The following CNTNAP5 variants were observed in gnomAD, a reference collection of about 807,000 sequenced individuals.
CNTNAP5 encodes the protein contactin associated protein family member 5, also known as contactin-associated protein-like 5.
In CNTNAP5, 72 loss-of-function variants were observed where a neutral mutation model predicts 150.2. The ratio of observed to expected loss-of-function variants is 0.48; its 90% CI spans 0.40 to 0.58. The LOEUF is 0.58. Among genes scored for constraint, CNTNAP5 ranks in the 20% least tolerant of loss-of-function variants. The pLI is 0.00. For synonymous variants in CNTNAP5, 672 were observed against 619.8 expected (o/e 1.08, Z -1.25); for missense variants, 1,636 against 1,626.2 (o/e 1.01, Z -0.10).
At chr2:124,237,194 T>C (rs1256102044) in intron 2 of CNTNAP5, among the ~76,000 whole-genome samples, 1 of 152,194 alleles carries the variant, frequency 6.6e-6, no homozygotes, top group Non-Finnish European at 1.5e-5. Context: ...TGTGTGTGTA[T>C]GACGCTTTCA....
At chr2:124,799,671 G>A (rs1558780821) in intron 19 of CNTNAP5, among the ~76,000 whole-genome samples, 2 of 152,114 alleles carry the variant, frequency 1.3e-5, no homozygotes, top group Non-Finnish European at 2.9e-5. Flanking sequence ...TTTTTCTTTG[G>A]TTTATTCCTC....
At chr2:124,369,438 G>A (rs1056078378) in intron 3 of CNTNAP5, among the ~76,000 whole-genome samples, 1 of 151,900 alleles carries the variant, frequency 6.6e-6, no homozygotes, top group Non-Finnish European at 1.5e-5. Context: ...AGTCAAAGTT[G>A]GTTTTGATGG....
chr2:124,822,723 T>C (rs1682516593), intron 19 of CNTNAP5, among the ~76,000 whole-genome samples: 1 of 152,226 alleles, frequency 6.6e-6, no homozygotes, highest in African/African-American at 2.4e-5. Context: ...ATGCAGATGT[T>C]ATGTTTACTC....
intron 1 of CNTNAP5, among the ~76,000 whole-genome samples, chr2:124,093,267 A>G (rs1355441410): frequency 1.3e-5 from 2 of 152,190 alleles, no homozygotes; most frequent in Non-Finnish European, 2.9e-5. Context: ...CTTATCCTCC[A>G]TGTCCTTATC....
intron 1 of CNTNAP5, among the ~76,000 whole-genome samples, chr2:124,161,041 T>G (rs932125858): frequency 2.0e-5 from 3 of 152,116 alleles, no homozygotes; most frequent in African/African-American, 7.2e-5. Flanking sequence ...AGAGGAAATA[T>G]CAACGAGAAA....
intron 2 of CNTNAP5, among the ~76,000 whole-genome samples, chr2:124,225,936 T>C (rs1470943486): frequency 6.6e-6 from 1 of 152,194 alleles, no homozygotes; most frequent in Non-Finnish European, 1.5e-5. Flanking sequence ...TCTATGATGT[T>C]GCAAGTGGCA....
In CNTNAP5 at chr2:124,067,388, C is replaced by T. The variant is rs565258038; in HGVS notation, c.82+41656C>T. On this transcript the variant is annotated intron_variant, in intron 1 of 23. Transcript: ENST00000682447. ...CCCTTCTGGCTCTGGAAGCTGCCAG[C>T]ATTCCTTGATCTGTGGCTGCATCAC... Among the ~76,000 whole-genome samples the T allele has an allele frequency of 3.9e-5, 6 of 152,270 alleles. 1 individual carries two copies. In the South Asian group the frequency reaches 1.0e-3, roughly 26 times the overall value.
intron 11 of CNTNAP5, among the ~76,000 whole-genome samples, chr2:124,605,293 G>T (rs1220987948): frequency 2.0e-5 from 3 of 152,142 alleles, no homozygotes; most frequent in Non-Finnish European, 4.4e-5. Flanking sequence ...ATGTGTGTTT[G>T]TTTTTATACA....
intron 13 of CNTNAP5, among the ~76,000 whole-genome samples, chr2:124,652,357 C>T (rs1322721193): frequency 1.3e-5 from 2 of 152,142 alleles, no homozygotes; most frequent in Non-Finnish European, 2.9e-5. Flanking sequence ...TCACCACAGC[C>T]TGCCAGTACT....
intron 13 of CNTNAP5, among the ~76,000 whole-genome samples, chr2:124,726,852 T>C (rs1051654218): frequency 2.0e-5 from 3 of 152,002 alleles, no homozygotes; most frequent in Non-Finnish European, 4.4e-5. Context: ...ACAGTCCCTC[T>C]GGTTTATTTT....
At chr2:124,850,995 A>G (rs1275834939) in intron 19 of CNTNAP5, among the ~76,000 whole-genome samples, 1 of 152,224 alleles carries the variant, frequency 6.6e-6, no homozygotes, top group Non-Finnish European at 1.5e-5. Flanking sequence ...GAGGCATTAG[A>G]GAAAGTATAG....
intron 1 of CNTNAP5, among the ~76,000 whole-genome samples, chr2:124,126,337 A>G (rs1176198087): frequency 6.6e-6 from 1 of 152,076 alleles, no homozygotes; most frequent in Non-Finnish European, 1.5e-5. Flanking sequence ...CGACACATAC[A>G]CCCTCCCAAG....
chr2:124,115,731 C>T (rs1475827290), intron 1 of CNTNAP5, among the ~76,000 whole-genome samples: 1 of 149,642 alleles, frequency 6.7e-6, no homozygotes, highest in Non-Finnish European at 1.5e-5. Context: ...TTGCTTCAGC[C>T]TTGATGCCTC....
intron 3 of CNTNAP5, among the ~76,000 whole-genome samples, chr2:124,406,315 A>G (rs1691569158): frequency 6.6e-6 from 1 of 152,196 alleles, no homozygotes; most frequent in Non-Finnish European, 1.5e-5. Context: ...ACATGAATGT[A>G]AATTAGGTCA....
At chr2:124,621,539 T>C (rs563118551) in intron 12 of CNTNAP5, among the ~76,000 whole-genome samples, 1 of 152,308 alleles carries the variant, frequency 6.6e-6, no homozygotes, top group African/African-American at 2.4e-5. Context: ...ATGGAGTAGG[T>C]AGAAAGCTGC....
chr2:124,118,200 G>T (rs1317436231), intron 1 of CNTNAP5, among the ~76,000 whole-genome samples: 1 of 151,862 alleles, frequency 6.6e-6, no homozygotes, highest in Non-Finnish European at 1.5e-5. Flanking sequence ...ATATATTTGT[G>T]TTTAAAATAC....
chr2:124,809,816 A>G (rs1682166245), intron 19 of CNTNAP5, among the ~76,000 whole-genome samples: 1 of 152,222 alleles, frequency 6.6e-6, no homozygotes, highest in South Asian at 2.1e-4. Flanking sequence ...AGGAGGTGTT[A>G]GCAAAGATAT....
At chr2:124,693,642 G>A (rs1679343513) in intron 13 of CNTNAP5, among the ~76,000 whole-genome samples, 1 of 151,980 alleles carries the variant, frequency 6.6e-6, no homozygotes, top group Non-Finnish European at 1.5e-5. Flanking sequence ...TGGAGGCCGT[G>A]GCTGAGACAC....
At chr2:124,552,804 G>A (rs746111999) in intron 10 of CNTNAP5, among the ~76,000 whole-genome samples, 1 of 152,046 alleles carries the variant, frequency 6.6e-6, no homozygotes, top group South Asian at 2.1e-4. Context: ...TATTCCCACC[G>A]GTAACCACTG....
Sources: gnomAD v4.1 joint callset for allele counts (sites outside exome capture counted in the v4.1 genomes callset) on GRCh38, gnomAD v4.1.1 for gene constraint, MANE v1.5 for transcripts, NCBI Gene and HGNC (gene_info 2026-07-23, HGNC 2026-07-21) for gene names.